The following PDSS1 variants were observed in gnomAD, a reference collection of about 807,000 sequenced individuals.
PDSS1 encodes the protein decaprenyl diphosphate synthase subunit 1.
Under a neutral mutation model 57.5 loss-of-function variants are expected in PDSS1, and 43 were observed. The ratio of observed to expected loss-of-function variants is 0.75; its 90% CI spans 0.59 to 0.96. PDSS1 has a LOEUF of 0.96. Among genes scored for constraint, PDSS1 ranks in the 50% least tolerant of loss-of-function variants. The pLI is 0.00. For synonymous variants in PDSS1, 175 were observed against 191.3 expected, an observed-to-expected ratio of 0.91 and a Z score of 0.70; for missense variants, 438 against 527.8, an observed-to-expected ratio of 0.83 and a Z score of 1.67.
intron 5 of PDSS1, among the ~76,000 whole-genome samples, chr10:26,718,420 G>T (rs1318712753): frequency 6.6e-6 from 1 of 152,012 alleles, no homozygotes; most frequent in Admixed American, 6.6e-5. Context: ...CCCCTTAGAA[G>T]AATTTGTTGT....
At chr10:26,732,366 G>A (rs1588699770) in intron 8 of PDSS1, among the ~76,000 whole-genome samples, 1 of 152,204 alleles carries the variant, frequency 6.6e-6, no homozygotes, top group African/African-American at 2.4e-5. Context: ...TTCGCCATGT[G>A]TCAGGCAGAA....
chr10:26,716,813 C>T (rs948931741), intron 5 of PDSS1, among the ~76,000 whole-genome samples: 7 of 152,184 alleles, frequency 4.6e-5, no homozygotes, highest in Non-Finnish European at 8.8e-5. Context: ...ACTCTCAAGA[C>T]CAAGGGCTTC....
chr10:26,720,532 A>G (rs1009429716), intron 6 of PDSS1, among the ~76,000 whole-genome samples, 173 bp downstream of exon 6: 3 of 152,246 alleles, frequency 2.0e-5, no homozygotes, highest in Admixed American at 2.0e-4. Context: ...TGATAAATAA[A>G]TAATAAAAAA....
chr10:26,722,619 G>A (rs1564426734), intron 6 of PDSS1, among the ~76,000 whole-genome samples: 1 of 151,752 alleles, frequency 6.6e-6, no homozygotes, highest in Non-Finnish European at 1.5e-5. Flanking sequence ...TGGGGGGATT[G>A]CTTGAACCCA....
intron 2 of PDSS1, among the ~76,000 whole-genome samples, chr10:26,703,538 G>A (rs563008473): frequency 1.3e-5 from 2 of 152,162 alleles, no homozygotes; most frequent in South Asian, 2.1e-4. Context: ...TTATTTATAA[G>A]TATTATAATA....
intron 8 of PDSS1, among the ~76,000 whole-genome samples, chr10:26,732,063 T>A (rs972734889): frequency 2.0e-5 from 3 of 152,238 alleles, no homozygotes; most frequent in African/African-American, 7.2e-5. Flanking sequence ...AGCATCTGCT[T>A]CAAACAAAAC....
intron 8 of PDSS1, among the ~76,000 whole-genome samples, chr10:26,728,527 C>A (rs1836043833): frequency 2.6e-5 from 4 of 151,994 alleles, no homozygotes; most frequent in African/African-American, 7.3e-5. Context: ...TTTCTTCAAT[C>A]TAAAATTACT....
rs563457132 is a variant in PDSS1, at chr10:26,699,714, A to G, written c.129+1874A>G. Among the ~76,000 whole-genome samples, 5 of 152,214 alleles carry G rather than the reference A, an allele frequency of 3.3e-5. No individual in the cohort carries two copies. The East Asian group carries it at 9.6e-4, about 29-fold the overall frequency. ...GCCTGGCCTGACACTTCTTTTTAAA[A>G]AAGTTTCTTGCCCACCAAGCAACCT... is the stretch of plus-strand genomic sequence containing the variant. On this transcript the variant is annotated intron_variant, in intron 1 of 11. Transcript: ENST00000376215.
Position 26,742,488 on chromosome 10 carries a change from T to C in PDSS1, c.1027-9T>C, listed in dbSNP as rs745959492. On this transcript the variant is annotated splice_polypyrimidine_tract_variant and intron_variant, in intron 10 of 11. Coordinates refer to ENST00000376215, the MANE Select transcript of PDSS1 (RefSeq NM_014317.5). ...AGATTTTCTCAGATTTTCTCTCTTTTTTTGTTAGTTCCCAGAAATGAATGC... is the reference window on the plus strand; with the variant it reads ...AGATTTTCTCAGATTTTCTCTCTTTCTTTGTTAGTTCCCAGAAATGAATGC... 4.4e-6 allele frequency: 7 copies of C among 1,601,836 alleles called. No homozygotes were observed. The highest frequency in any genetic ancestry group is 6.0e-6 in the Non-Finnish European group (7 of 1,169,928).
intron 2 of PDSS1, among the ~76,000 whole-genome samples, chr10:26,704,011 G>A (rs1243327202): frequency 1.4e-5 from 2 of 144,016 alleles, no homozygotes; most frequent in African/African-American, 5.1e-5. Context: ...AACCCTGGGG[G>A]GCGGAGCCTG....
chr10:26,735,707 T>C, intron 10 of PDSS1, 128 bp downstream of exon 10: 1 of 712,522 alleles, frequency 1.4e-6, no homozygotes, highest in South Asian at 1.5e-5. Context: ...AGATCACAGG[T>C]CTGCATTTGA....
chr10:26,732,210 C>T (rs892310004), intron 8 of PDSS1, among the ~76,000 whole-genome samples: 7 of 152,228 alleles, frequency 4.6e-5, no homozygotes, highest in African/African-American at 1.2e-4. Context: ...TGCTATGTTG[C>T]GTCCAATTTG....
intron 1 of PDSS1, among the ~76,000 whole-genome samples, chr10:26,700,600 G>A (rs1616702): frequency 6.6e-6 from 1 of 151,856 alleles, no homozygotes; most frequent in Non-Finnish European, 1.5e-5. Flanking sequence ...CACAAGATCT[G>A]CTGGTTTTAT....
chr10:26,723,750 T>G, intron 6 of PDSS1, 56 bp from the exon 7 acceptor site: 1 of 1,180,996 alleles, frequency 8.5e-7, no homozygotes, highest in Non-Finnish European at 1.3e-6. Context: ...CATCATTGGC[T>G]CTACTGCTCT....
At position 26,702,699 on chromosome 10, in the gene PDSS1, A is replaced by G. The variant is rs938641947; in HGVS notation, c.162+505A>G. Among the ~76,000 whole-genome samples the G allele has an allele frequency of 2.0e-5, 3 of 152,172 alleles. No individual in the cohort carries two copies. The South Asian group carries it at 6.2e-4, about 32-fold the overall frequency. On this transcript the variant is annotated intron_variant, in intron 2 of 11. Coordinates refer to ENST00000376215, the MANE Select transcript of PDSS1 (RefSeq NM_014317.5). ...CATACTAATACACCTCGTTTCTAAA[A>G]ATCAGCTACGCATTGTGGCATGTTC...
In PDSS1 at chr10:26,709,777, T is replaced by G. The variant is rs202187965; in HGVS notation, c.467+9T>G. ...CATCATAACAACTCCCGGTGAGCTC[T>G]TTTTTTCATTCCTTTCTTGTTTTTA... On this transcript the variant is annotated intron_variant, in intron 5 of 11. Coordinates refer to ENST00000376215, the MANE Select transcript of PDSS1 (RefSeq NM_014317.5). 313 of 1,611,840 alleles carry G rather than the reference T, an allele frequency of 1.9e-4. 2 individuals carry two copies. The East Asian group carries it at 5.2e-3, about 27-fold the overall frequency.
Position 26,724,022 on chromosome 10 carries a change from C to T in PDSS1, c.730C>T (p.Leu244Phe). Residue 244 changes from leucine (L) to phenylalanine (F), a missense_variant, in exon 8 of 12, where the codon CTT becomes TTT. This residue lies in a region of PDSS1 where 284 missense variants were observed against 390.7 expected (regional missense o/e 0.73). Coordinates refer to ENST00000376215, the MANE Select transcript of PDSS1 (RefSeq NM_014317.5). ...VIEDLVRGEF[L>F]QLGSKENENE... ...CCTTTCCTTCTTTATAGGTGAATTT[C>T]TTCAGCTCGGGTCAAAAGAAAATGA... 1 of 1,613,544 alleles carries T rather than the reference C, an allele frequency of 6.2e-7. No individual in the cohort carries two copies. Among genetic ancestry groups the T allele is most frequent in the Non-Finnish European group, 8.5e-7 (1 of 1,179,464 alleles).
intron 11 of PDSS1, among the ~76,000 whole-genome samples, chr10:26,743,295 C>G (rs1836692495): frequency 6.6e-6 from 1 of 152,154 alleles, no homozygotes; most frequent in South Asian, 2.1e-4. Flanking sequence ...TCATTTGCAG[C>G]CAACAGATCT....
intron 5 of PDSS1, among the ~76,000 whole-genome samples, chr10:26,716,334 G>T (rs1835575780): frequency 6.6e-6 from 1 of 152,190 alleles, no homozygotes; most frequent in African/African-American, 2.4e-5. Context: ...CCTCGTAAAG[G>T]ATTCACTGGT....
Sources: allele counts gnomAD v4.1 joint callset (sites outside exome capture counted in the v4.1 genomes callset), GRCh38; gene constraint gnomAD v4.1.1; regional missense constraint gnomAD v4.1.1; transcripts MANE v1.5; gene names NCBI Gene and HGNC (gene_info 2026-07-23, HGNC 2026-07-21).